The following TENM1 variants were observed in gnomAD, a reference collection of about 807,000 sequenced individuals.
TENM1 encodes the protein teneurin transmembrane protein 1.
A neutral mutation model predicts 174.8 loss-of-function variants in TENM1; 35 were observed. That is an observed-to-expected ratio of 0.20 (90% CI 0.15 to 0.27). The LOEUF is 0.27. TENM1 is among the 10% of genes least tolerant of loss of function. The pLI, the probability that TENM1 is intolerant of heterozygous loss-of-function variation, is 1.00. For synonymous variants in TENM1, 781 were observed against 798.7 expected, an observed-to-expected ratio of 0.98 and a Z score of 0.37; for missense variants, 1,633 against 2,130.1, an observed-to-expected ratio of 0.77 and a Z score of 4.59.
intron 3 of TENM1, among the ~76,000 whole-genome samples, chrX:124,740,081 G>GAC (rs1242553082): frequency 1.8e-5 from 2 of 111,813 alleles, no homozygotes; most frequent in Non-Finnish European, 3.8e-5. Flanking sequence ...AAGCACCAGT[G>GAC]ACACACTACA....
chrX:124,973,085 G>A, the TENM1 span, among the ~76,000 whole-genome samples: 2 of 112,075 alleles, frequency 1.8e-5, no homozygotes, highest in African/African-American at 6.5e-5. Flanking sequence ...TTTGTATAAG[G>A]TGTAAGGAAG....
At chrX:124,801,523 T>G (rs1392109193) in intron 3 of TENM1, among the ~76,000 whole-genome samples, 1 of 111,865 alleles carries the variant, frequency 8.9e-6, no homozygotes, top group East Asian at 2.8e-4. Flanking sequence ...CACTGATGGG[T>G]CTTGACTCTT....
At chrX:125,103,823 T>C in the TENM1 span, among the ~76,000 whole-genome samples, 1 of 111,451 alleles carries the variant, frequency 9.0e-6, no homozygotes, top group South Asian at 3.8e-4. Flanking sequence ...CCATCTTTAC[T>C]AAAAATACAA....
chrX:125,191,006 T>C, the TENM1 span, among the ~76,000 whole-genome samples: 1 of 111,858 alleles, frequency 8.9e-6, no homozygotes, highest in African/African-American at 3.2e-5. Context: ...AACATCTTTT[T>C]TTAATGGCCA....
chrX:125,005,487 T>A, the TENM1 span, among the ~76,000 whole-genome samples: 1 of 107,909 alleles, frequency 9.3e-6, no homozygotes, highest in East Asian at 3.0e-4. Flanking sequence ...CATATTTTGA[T>A]CAATGTTCCA....
chrX:124,875,360 C>A (rs1221482311), intron 3 of TENM1, among the ~76,000 whole-genome samples: 2 of 109,840 alleles, frequency 1.8e-5, no homozygotes, highest in African/African-American at 6.6e-5. Flanking sequence ...ATTTTATACC[C>A]AACTAGCTTA....
chrX:125,007,381 A>G, the TENM1 span, among the ~76,000 whole-genome samples: 1 of 111,286 alleles, frequency 9.0e-6, no homozygotes, highest in Non-Finnish European at 1.9e-5. Context: ...AACATGGACT[A>G]TGTAAAAAGA....
At chrX:124,977,652 C>T in the TENM1 span, among the ~76,000 whole-genome samples, 2 of 109,659 alleles carry the variant, frequency 1.8e-5, no homozygotes, top group Non-Finnish European at 3.8e-5. Context: ...CCCTGGCGAC[C>T]ACTAATCTAC....
the TENM1 span, among the ~76,000 whole-genome samples, chrX:125,016,191 T>C: frequency 9.0e-6 from 1 of 111,454 alleles, no homozygotes; most frequent in Non-Finnish European, 1.9e-5. Context: ...CTATTCAACT[T>C]AGTATTGGAA....
chrX:124,436,275 T>C (rs1474330896), intron 23 of TENM1, among the ~76,000 whole-genome samples: 1 of 111,071 alleles, frequency 9.0e-6, no homozygotes, highest in African/African-American at 3.3e-5. Flanking sequence ...AGATTTCTGA[T>C]AGGTCCTGAC....
intron 18 of TENM1, among the ~76,000 whole-genome samples, chrX:124,508,296 C>T (rs1348588791): frequency 8.9e-6 from 1 of 112,324 alleles, no homozygotes; most frequent in Non-Finnish European, 1.9e-5. Flanking sequence ...TCTATTATTC[C>T]TAGCTTACTA....
At chrX:124,997,883 T>C in the TENM1 span, among the ~76,000 whole-genome samples, 32 of 110,501 alleles carry the variant, frequency 2.9e-4, no homozygotes, top group Non-Finnish European at 5.5e-4. Flanking sequence ...CTGACTATTC[T>C]TTACACCACC....
intron 11 of TENM1, among the ~76,000 whole-genome samples, chrX:124,581,944 G>C (rs750572946): frequency 3.6e-5 from 4 of 111,258 alleles, no homozygotes; most frequent in Admixed American, 9.6e-5. Context: ...TTGTTACATA[G>C]GTAAACAGTG....
chrX:124,674,438 G>A (rs1183784600), intron 5 of TENM1, among the ~76,000 whole-genome samples: 2 of 109,625 alleles, frequency 1.8e-5, no homozygotes, highest in African/African-American at 3.3e-5. Context: ...GTTAGTGACC[G>A]AGAACAGAGA....
the TENM1 span, among the ~76,000 whole-genome samples, chrX:125,010,295 T>C: frequency 9.1e-6 from 1 of 110,015 alleles, no homozygotes; most frequent in East Asian, 2.9e-4. Context: ...AAAGAAAATA[T>C]AATACCTAGG....
intron 3 of TENM1, among the ~76,000 whole-genome samples, chrX:124,810,210 T>C (rs2055727899): frequency 9.0e-6 from 1 of 111,598 alleles, no homozygotes; most frequent in African/African-American, 3.3e-5. Flanking sequence ...GAAAATTCTA[T>C]CCAGAATAAT....
chrX:125,072,726 A>T, the TENM1 span, among the ~76,000 whole-genome samples: 3 of 111,190 alleles, frequency 2.7e-5, no homozygotes, highest in Admixed American at 9.6e-5. Flanking sequence ...ATAATAAAAT[A>T]AAAAAAAGAA....
chrX:125,091,985 CAAAA>C, the TENM1 span, among the ~76,000 whole-genome samples: 5 of 14,181 alleles, frequency 3.5e-4, no homozygotes, highest in Non-Finnish European at 5.3e-4. Context: ...AACTCTGTCT[CAAAA>C]AAAAAAAAAA....
At chrX:124,755,996 TG>T (rs1180706720) in intron 3 of TENM1, among the ~76,000 whole-genome samples, 2 of 100,765 alleles carry the variant, frequency 2.0e-5, no homozygotes, top group Admixed American at 2.1e-4. Flanking sequence ...GGAGTATCTT[TG>T]TGCCATTCTC....
Sources: gnomAD v4.1 joint callset for allele counts (sites outside exome capture counted in the v4.1 genomes callset) on GRCh38, gnomAD v4.1.1 for gene constraint, MANE v1.5 for transcripts, NCBI Gene and HGNC (gene_info 2026-07-23, HGNC 2026-07-21) for gene names.